The following C10orf67 variants were observed in gnomAD, a reference collection of about 807,000 sequenced individuals.
C10orf67 encodes uncharacterized protein C10orf67, mitochondrial.
In C10orf67, 60 loss-of-function variants were observed where a neutral mutation model predicts 35.6. The ratio of observed to expected loss-of-function variants is 1.68; its 90% confidence interval spans 1.37 to 2.09. C10orf67 has a LOEUF of 2.09. C10orf67 is among the 30% of genes most tolerant of loss of function. The pLI is 0.00. For synonymous variants in C10orf67, 167 were observed against 115.8 expected, an observed-to-expected ratio of 1.44 and a Z score of -2.84; for missense variants, 474 against 330.2, an observed-to-expected ratio of 1.44 and a Z score of -3.38.
At chr10:23,204,990 G>T (rs1054291349) in intron 15 of C10orf67, among the ~76,000 whole-genome samples, 1 of 152,190 alleles carries the variant, frequency 6.6e-6, no homozygotes, top group Admixed American at 6.5e-5. Context: ...TGCGGTCACC[G>T]GTAGGTGTCA....
chr10:23,312,845 T>C (rs963045340), intron 4 of C10orf67, among the ~76,000 whole-genome samples: 126 of 152,290 alleles, frequency 8.3e-4, no homozygotes, highest in African/African-American at 2.8e-3. Context: ...GCTCATCCAA[T>C]AGGTTGAAGG....
chr10:23,241,557 A>G (rs1348989247), intron 12 of C10orf67, among the ~76,000 whole-genome samples: 1 of 152,190 alleles, frequency 6.6e-6, no homozygotes, highest in Non-Finnish European at 1.5e-5. Context: ...ATTTCTGGAA[A>G]TTTTGAGTAT....
intron 13 of C10orf67, among the ~76,000 whole-genome samples, chr10:23,224,080 C>G (rs1841663761): frequency 6.6e-6 from 1 of 152,160 alleles, no homozygotes; most frequent in African/African-American, 2.4e-5. Flanking sequence ...TTGACTGTCC[C>G]TACAATTGAG....
chr10:23,243,898 C>CT (rs948154119), intron 12 of C10orf67, among the ~76,000 whole-genome samples: 37 of 152,044 alleles, frequency 2.4e-4, no homozygotes, highest in Middle Eastern at 3.4e-3. Flanking sequence ...ATTACTTACT[C>CT]TTTTTTATCT....
intron 8 of C10orf67, among the ~76,000 whole-genome samples, chr10:23,278,540 T>A (rs935686177): frequency 2.6e-5 from 4 of 152,086 alleles, no homozygotes; most frequent in African/African-American, 9.7e-5. Context: ...GCTCACAGAA[T>A]GGAAACAGCA....
chr10:23,311,614 G>C (rs1844498738), intron 4 of C10orf67, among the ~76,000 whole-genome samples: 1 of 152,102 alleles, frequency 6.6e-6, no homozygotes, highest in African/African-American at 2.4e-5. Flanking sequence ...TGGAGGCTGA[G>C]GCAGGAGAAT....
intron 4 of C10orf67, among the ~76,000 whole-genome samples, chr10:23,320,396 T>C (rs1192302552): frequency 2.0e-5 from 3 of 152,172 alleles, no homozygotes; most frequent in Admixed American, 2.0e-4. Flanking sequence ...CCACCAAGGG[T>C]CAGAGACCAT....
Position 23,344,559 on chromosome 10 carries a change from C to T in C10orf67, c.206+10G>A. ...CTTCCTCCTCTACCCAGGCGCGGAG[C>T]TCAGCCTACCTCGTGGACCCGCGCA... On this transcript the variant is annotated intron_variant, in intron 1 of 15. Coordinates refer to ENST00000636213, the MANE Select transcript of C10orf67 (RefSeq NM_001371909.1). 1 of 1,567,148 alleles carries T rather than the reference C, an allele frequency of 6.4e-7. No homozygotes were observed. Among genetic ancestry groups the T allele is most frequent in the Non-Finnish European group, 8.6e-7 (1 of 1,156,894 alleles).
intron 4 of C10orf67, among the ~76,000 whole-genome samples, chr10:23,310,723 C>T (rs1844463611): frequency 6.6e-6 from 1 of 152,204 alleles, no homozygotes; most frequent in Admixed American, 6.5e-5. Flanking sequence ...TCAAGCTCTC[C>T]AAGAGGTCTA....
chr10:23,206,244 A>G (rs754060955), intron 15 of C10orf67, among the ~76,000 whole-genome samples: 1 of 152,264 alleles, frequency 6.6e-6, no homozygotes, highest in Non-Finnish European at 1.5e-5. Flanking sequence ...TTCACATAGC[A>G]GTACAGAAAC....
intron 13 of C10orf67, among the ~76,000 whole-genome samples, chr10:23,232,128 G>T (rs564941260): frequency 6.6e-6 from 1 of 152,214 alleles, no homozygotes; most frequent in Admixed American, 6.5e-5. Context: ...GGGAATGCGG[G>T]CATTCGTGTT....
chr10:23,212,374 A>G (rs375170006), intron 15 of C10orf67, among the ~76,000 whole-genome samples: 24 of 152,172 alleles, frequency 1.6e-4, no homozygotes, highest in Admixed American at 8.5e-4. Context: ...TACATAGCCC[A>G]AACCACACGT....
chr10:23,304,475 G>A (rs899890801), intron 4 of C10orf67, among the ~76,000 whole-genome samples: 2 of 152,138 alleles, frequency 1.3e-5, no homozygotes, highest in South Asian at 2.1e-4. Flanking sequence ...TGCCTCTGGA[G>A]GCAAGCTGCT....
chr10:23,323,952 T>TATATATATATATATATAC (rs1564513730), intron 2 of C10orf67, among the ~76,000 whole-genome samples: 1 of 64,688 alleles, frequency 1.5e-5, no homozygotes, highest in African/African-American at 5.4e-5. Context: ...TATATATATA[T>TATATATATATATATATAC]ACACACACAC....
intron 4 of C10orf67, among the ~76,000 whole-genome samples, chr10:23,319,691 T>C (rs527340117): frequency 6.6e-6 from 1 of 152,218 alleles, no homozygotes; most frequent in Non-Finnish European, 1.5e-5. Flanking sequence ...TTTGACTTTT[T>C]AATAATAACC....
At chr10:23,247,866 C>T (rs1489236667) in intron 12 of C10orf67, among the ~76,000 whole-genome samples, 1 of 152,144 alleles carries the variant, frequency 6.6e-6, no homozygotes, top group Non-Finnish European at 1.5e-5. Context: ...ACTTCTAATT[C>T]CTTCTTTCTT....
chr10:23,282,218 C>T (rs1256688647), intron 7 of C10orf67, 140 bp from the exon 8 acceptor site: 3 of 357,976 alleles, frequency 8.4e-6, no homozygotes, highest in Admixed American at 9.6e-5. Flanking sequence ...TAAATTTCTA[C>T]AGATTATCAT....
Position 23,206,756 on chromosome 10 carries a change from C to G in C10orf67, c.1571-2501G>C, listed in dbSNP as rs150398345. On this transcript the variant is annotated intron_variant, in intron 15 of 15. Coordinates refer to ENST00000636213, the MANE Select transcript of C10orf67 (RefSeq NM_001371909.1). ...TATGCTTGTATGGGCACAGCCAAAGCCCTTTCTATTTTAATGACAAAGTTT... is the reference window on the plus strand; with the variant it reads ...TATGCTTGTATGGGCACAGCCAAAGGCCTTTCTATTTTAATGACAAAGTTT... Among the ~76,000 whole-genome samples, 187 of 152,162 alleles carry G rather than the reference C, an allele frequency of 1.2e-3. 1 individual carries two copies. Among genetic ancestry groups the G allele is most frequent in the African/African-American group, 4.1e-3 (171 of 41,504 alleles).
intron 8 of C10orf67, 83 bp downstream of exon 8, chr10:23,281,930 C>G: frequency 2.0e-6 from 1 of 488,210 alleles, no homozygotes; most frequent in South Asian, 3.6e-5. Context: ...AGGAAACAAT[C>G]ACAAATAAAG....
Sources: allele counts gnomAD v4.1 joint callset (sites outside exome capture counted in the v4.1 genomes callset), GRCh38; gene constraint gnomAD v4.1.1; transcripts MANE v1.5; gene names NCBI Gene and HGNC (gene_info 2026-07-23, HGNC 2026-07-21).